The following COL11A1 variants were observed in gnomAD, a reference collection of about 807,000 sequenced individuals.
The protein encoded by COL11A1 is collagen type XI alpha 1 chain, also known as collagen alpha-1(XI) chain.
Under a neutral mutation model 265.2 loss-of-function variants are expected in COL11A1, and 74 were observed. The ratio of observed to expected loss-of-function variants is 0.28; its 90% confidence interval spans 0.23 to 0.34. The LOEUF (loss-of-function observed/expected upper bound fraction) is 0.34. Among genes scored for constraint, COL11A1 ranks in the 10% least tolerant of loss-of-function variants. The probability of loss-of-function intolerance (pLI) is 1.00; values close to 1 mark genes in which losing one functional copy is unlikely to be tolerated. For missense variants in COL11A1, 2,165 were observed against 2,263.6 expected (o/e 0.96, Z 0.88); for synonymous variants, 816 against 727.6 (o/e 1.12, Z -1.96).
At chr1:103,043,014 G>T (rs1337411823) in intron 4 of COL11A1, among the ~76,000 whole-genome samples, 1 of 136,896 alleles carries the variant, frequency 7.3e-6, no homozygotes, top group Non-Finnish European at 1.6e-5. Flanking sequence ...TCATATATAT[G>T]AAATATATAT....
chr1:103,054,276 T>C (rs76651775), intron 4 of COL11A1, among the ~76,000 whole-genome samples: 5,253 of 152,272 alleles, frequency 0.034, 327 homozygotes, highest in African/African-American at 0.12. Flanking sequence ...CACAGCTACA[T>C]TGCGAAATGC....
At chr1:103,106,530 G>C (rs1674703481) in intron 1 of COL11A1, among the ~76,000 whole-genome samples, 1 of 152,132 alleles carries the variant, frequency 6.6e-6, no homozygotes, top group Admixed American at 6.5e-5. Flanking sequence ...ACTGCTGACA[G>C]AATTGACCAA....
chr1:102,909,457 A>C (rs1353224991), intron 54 of COL11A1, among the ~76,000 whole-genome samples: 3 of 152,168 alleles, frequency 2.0e-5, no homozygotes, highest in African/African-American at 7.2e-5. Context: ...AAATGTACTA[A>C]AAAAGGATGC....
intron 7 of COL11A1, 98 bp from the exon 8 acceptor site, chr1:103,023,094 T>C (rs928214293): frequency 3.8e-6 from 5 of 1,305,362 alleles, no homozygotes; most frequent in South Asian, 1.2e-5. Context: ...TGTGATGGGA[T>C]GCGATTTTGT....
chr1:103,068,378 C>T (rs937801175), intron 4 of COL11A1, among the ~76,000 whole-genome samples: 8 of 151,300 alleles, frequency 5.3e-5, no homozygotes, highest in African/African-American at 1.2e-4. Flanking sequence ...GTAGAAAAAG[C>T]GTTTTATAAA....
At chr1:103,021,318 G>T (rs1230211871) in intron 9 of COL11A1, among the ~76,000 whole-genome samples, 1 of 151,988 alleles carries the variant, frequency 6.6e-6, no homozygotes, top group Non-Finnish European at 1.5e-5. Flanking sequence ...ATAATGTGAA[G>T]TCATAGAGAT....
At chr1:103,024,717 C>T (rs1231077985) in intron 7 of COL11A1, among the ~76,000 whole-genome samples, 1 of 151,916 alleles carries the variant, frequency 6.6e-6, no homozygotes, top group Admixed American at 6.6e-5. Context: ...CCATTCTCAC[C>T]CTAAACATTT....
chr1:102,902,588 T>C (rs1359334419), intron 54 of COL11A1, among the ~76,000 whole-genome samples: 1 of 152,002 alleles, frequency 6.6e-6, no homozygotes, highest in Non-Finnish European at 1.5e-5. Context: ...GAAAGGTATA[T>C]AATCTCTTCA....
At chr1:102,921,598 CA>C in intron 47 of COL11A1, 27 bp from the exon 48 acceptor site, 1 of 1,577,608 alleles carries the variant, frequency 6.3e-7, no homozygotes, top group Non-Finnish European at 8.7e-7. Flanking sequence ...TTGAGGTTTA[CA>C]AAGACCAAAT....
At chr1:103,002,587 T>C (rs764305790) in intron 22 of COL11A1, 106 bp from the exon 23 acceptor site, 112 of 1,159,188 alleles carry the variant, frequency 9.7e-5, no homozygotes, top group Non-Finnish European at 1.3e-4. Flanking sequence ...CAGTTTTCCC[T>C]CATGAGATTC....
At chr1:102,949,400 T>C (rs1557861259) in intron 41 of COL11A1, among the ~76,000 whole-genome samples, 1 of 150,670 alleles carries the variant, frequency 6.6e-6, no homozygotes, top group Non-Finnish European at 1.5e-5. Flanking sequence ...CGATTTTAAT[T>C]TGTCGGGCCA....
chr1:102,883,338 A>G (rs942252121), intron 63 of COL11A1, 27 bp from the exon 64 acceptor site: 2 of 1,390,324 alleles, frequency 1.4e-6, no homozygotes, highest in Non-Finnish European at 2.0e-6. Context: ...AATATGTCAT[A>G]TAAAAATTCA....
chr1:103,071,884 T>C (rs1428894054), intron 4 of COL11A1, among the ~76,000 whole-genome samples: 1 of 150,548 alleles, frequency 6.6e-6, no homozygotes, highest in Non-Finnish European at 1.5e-5. Context: ...TATATATATA[T>C]ATATATATTT....
In COL11A1 at chr1:102,928,147, T is replaced by G. The variant is rs527661485; in HGVS notation, c.3601-4758A>C. ...TAAGTTTTAGGGTACATGTGCACAT[T>G]GTGCAGGTTAGTTACATATGTATAC... is the stretch of plus-strand genomic sequence containing the variant. On this transcript the variant is annotated intron_variant, in intron 46 of 66. Coordinates refer to ENST00000370096, the MANE Select transcript of COL11A1 (RefSeq NM_001854.4). Among the ~76,000 whole-genome samples, 69 of 152,148 alleles carry G rather than the reference T, an allele frequency of 4.5e-4. 1 individual carries two copies. In the Middle Eastern group the frequency reaches 0.014, roughly 30 times the overall value.
rs368394569 is a variant in COL11A1 at position 103,067,947 on chromosome 1, A to G, written c.651+6671T>C. The stretch of plus-strand genomic sequence containing the variant: ...CCTGTATCGAGTAAAGAAATTGAAT[A>G]TGTTAAAACAATTCTAAAAAGAAAA... On this transcript the variant is annotated intron_variant, in intron 4 of 66. Transcript: ENST00000370096. Among the ~76,000 whole-genome samples the G allele has an allele frequency of 6.5e-4, 99 of 151,776 alleles. 1 individual carries two copies. The highest frequency in any genetic ancestry group is 6.0e-3 in the East Asian group (31 of 5,168).
At chr1:102,912,316 A>T in intron 53 of COL11A1, 104 bp from the exon 54 acceptor site, 2 of 833,624 alleles carry the variant, frequency 2.4e-6, no homozygotes, top group Non-Finnish European at 3.8e-6. Context: ...CTTCATTTCC[A>T]CATGTCAATA....
At chr1:102,994,787 C>T (rs1664468461) in intron 28 of COL11A1, among the ~76,000 whole-genome samples, 1 of 152,034 alleles carries the variant, frequency 6.6e-6, no homozygotes, top group East Asian at 1.9e-4. Context: ...TCCGCTTTTA[C>T]ATTGCTATAA....
At position 103,026,586 on chromosome 1, in the gene COL11A1, A is replaced by T. The variant is rs557349080; in HGVS notation, c.781-254T>A. On this transcript the variant is annotated intron_variant, in intron 5 of 66. Transcript: ENST00000370096. The stretch of plus-strand genomic sequence containing the variant: ...CACGAGAAAACAAAAAATTTGGAAT[A>T]ATAATTCAAACTCTTAATTATGGAA... Among the ~76,000 whole-genome samples, 8 of 152,248 alleles carry T rather than the reference A, an allele frequency of 5.3e-5. No individual in the cohort carries two copies. In the South Asian group the frequency reaches 1.7e-3, roughly 32 times the overall value.
In COL11A1 at chr1:102,879,669, G is replaced by C. The variant is rs773600310; in HGVS notation, c.5274+14C>G. On this transcript the variant is annotated intron_variant, in intron 66 of 66. Coordinates refer to ENST00000370096, the MANE Select transcript of COL11A1 (RefSeq NM_001854.4). ...TCATCTCTGTGAAGGGAGACAAGCA[G>C]AACTTATACTCACCGCACAACCATC... 1.2e-6 allele frequency: 2 copies of C among 1,607,860 alleles called. No homozygotes were observed. Among genetic ancestry groups the C allele is most frequent in the Non-Finnish European group, 1.7e-6 (2 of 1,175,252 alleles).
Sources: allele counts gnomAD v4.1 joint callset (sites outside exome capture counted in the v4.1 genomes callset), GRCh38; gene constraint gnomAD v4.1.1; transcripts MANE v1.5; gene names NCBI Gene and HGNC (gene_info 2026-07-23, HGNC 2026-07-21).